The following TAF1 variants were observed in gnomAD, a reference collection of about 807,000 sequenced individuals.
TAF1 encodes TATA-box binding protein associated factor 1, also known as transcription initiation factor TFIID subunit 1.
Under a neutral mutation model 138.5 loss-of-function variants are expected in TAF1, and 2 were observed. The ratio of observed to expected loss-of-function variants is 0.01; its 90% CI spans 0.01 to 0.05. The LOEUF (loss-of-function observed/expected upper bound fraction) is 0.05. Ranked by LOEUF, TAF1 falls within the 10% of genes least tolerant of loss-of-function variation. The pLI is 1.00. For missense variants in TAF1, 709 were observed against 1,478.0 expected, an observed-to-expected ratio of 0.48 and a Z score of 8.53; for synonymous variants, 437 against 503.2, an observed-to-expected ratio of 0.87 and a Z score of 1.76.
Position 71,454,245 on chromosome X carries a change from G to T in TAF1, c.4821+8G>T. 8.3e-7 allele frequency: 1 copy of T among 1,206,806 alleles called. No homozygotes were observed. Among genetic ancestry groups the T allele is most frequent in the Non-Finnish European group, 1.1e-6 (1 of 891,667 alleles). Reference sequence around the variant, plus strand: ...TACCAGACATTGACTGAGGTAGGTGGTAAAGATGGAGGTCCTAAGCCTGGG... The same window carrying T: ...TACCAGACATTGACTGAGGTAGGTGTTAAAGATGGAGGTCCTAAGCCTGGG... On this transcript the variant is annotated splice_region_variant and intron_variant, in intron 33 of 37. Coordinates refer to ENST00000423759, the MANE Select transcript of TAF1 (RefSeq NM_004606.5).
intron 3 of TAF1, among the ~76,000 whole-genome samples, chrX:71,374,471 A>G (rs2033325945): frequency 1.8e-5 from 2 of 111,849 alleles, no homozygotes; most frequent in Admixed American, 1.9e-4. Context: ...TCAGATAGAT[A>G]TGTAAAATAT....
chrX:71,416,034 T>A, intron 28 of TAF1, among the ~76,000 whole-genome samples: 1 of 5,654 alleles, frequency 1.8e-4, no homozygotes, highest in Admixed American at 9.5e-4. Context: ...TTAGCTAAGG[T>A]CTACATTAGG....
Position 71,464,195 on chromosome X carries a change from T to C in TAF1, c.*149T>C. Reference sequence around the variant, plus strand: ...AGCCTTTTTAAAAGTAGTAAGTAAATGATAATAAATCACCTCTCCTAATCT... The same window carrying C: ...AGCCTTTTTAAAAGTAGTAAGTAAACGATAATAAATCACCTCTCCTAATCT... On this transcript the variant is annotated 3_prime_UTR_variant, in exon 38 of 38. Transcript: ENST00000423759. 1 of 517,099 alleles carries C rather than the reference T, an allele frequency of 1.9e-6. No homozygotes were observed. The highest frequency in any genetic ancestry group is 3.2e-5 in the South Asian group (1 of 30,907). The allele number at this position is 517,099 out of a possible 1,213,427, so 42.6% of individuals were successfully genotyped here. A position where few individuals can be genotyped will look rare whatever the true frequency, so the allele number is the denominator to read the frequency against.
At chrX:71,446,303 A>G (rs969493318) in intron 32 of TAF1, among the ~76,000 whole-genome samples, 5 of 112,283 alleles carry the variant, frequency 4.5e-5, no homozygotes, top group Non-Finnish European at 9.4e-5. Context: ...CCAAAAGGCT[A>G]TACCTGTTTG....
rs757934992 is a variant in TAF1 at position 71,512,305 on chromosome X, ACT to A, written c.1367-16234_1367-16233del. On this transcript the variant is annotated intron_variant and NMD_transcript_variant, in intron 13 of 14. Coordinates refer to the TAF1 transcript ENST00000373775. ...ACTCCAGCCTGAGCGACAGTGCGAG[ACT>A]CTGTCTCAAAAACAAAAAACAAAAC... 1.5e-4 allele frequency among the ~76,000 whole-genome samples: 17 copies of A among 111,287 alleles called. No individual in the cohort carries two copies. The East Asian group carries it at 4.8e-3, about 31-fold the overall frequency.
chrX:71,423,783 T>C (rs2036469197), intron 30 of TAF1, among the ~76,000 whole-genome samples, 191 bp from the exon 31 acceptor site: 1 of 111,983 alleles, frequency 8.9e-6, no homozygotes, highest in South Asian at 3.7e-4. Flanking sequence ...TTTTATCCTA[T>C]CATGGCATAG....
In TAF1 at chrX:71,483,349, A is replaced by G. The variant is rs142303600; in HGVS notation, c.1366+22546A>G. Among the ~76,000 whole-genome samples, 598 of 107,852 alleles carry G rather than the reference A, an allele frequency of 5.5e-3. 4 individuals are homozygous for G. Among genetic ancestry groups the G allele is most frequent in the African/African-American group, 0.019 (576 of 29,577 alleles). 93.7% of individuals were successfully genotyped at this position (107,852 alleles called of 115,157 possible). A position where few individuals can be genotyped will look rare whatever the true frequency, so the allele number is the denominator to read the frequency against. On this transcript the variant is annotated intron_variant and NMD_transcript_variant, in intron 13 of 14. Coordinates refer to the TAF1 transcript ENST00000373775. ...ACTACTCATCCATTCAAATTTTACT[A>G]TGAGATTATAGCAATTCAGCCACAT...
intron 13 of TAF1, among the ~76,000 whole-genome samples, chrX:71,503,298 GTA>G (rs1161129315): frequency 0.048 from 3,836 of 80,101 alleles, 81 homozygotes; most frequent in East Asian, 0.057. Flanking sequence ...ATATATATGT[GTA>G]TATATATATA....
At chrX:71,454,626 G>A in intron 33 of TAF1, 115 bp from the exon 34 acceptor site, 1 of 602,853 alleles carries the variant, frequency 1.7e-6, no homozygotes, top group Non-Finnish European at 2.6e-6. Context: ...TATTATCTGT[G>A]TCCTGCCACT....
intron 25 of TAF1, among the ~76,000 whole-genome samples, chrX:71,406,311 G>A (rs760475263): frequency 3.2e-5 from 3 of 93,859 alleles, no homozygotes; most frequent in South Asian, 5.3e-4. Flanking sequence ...CCTGGGTAAC[G>A]AGCGAACTAC....
At chrX:71,513,979 C>A (rs938857990) in intron 13 of TAF1, among the ~76,000 whole-genome samples, 2 of 111,672 alleles carry the variant, frequency 1.8e-5, no homozygotes, top group Non-Finnish European at 3.8e-5. Context: ...GGAATAAAAG[C>A]TGGCCACACC....
At chrX:71,484,980 C>T (rs2039145339) in intron 13 of TAF1, 1 of 111,840 alleles carries the variant, frequency 8.9e-6, no homozygotes, top group South Asian at 3.7e-4. Flanking sequence ...ACCCTCAGTC[C>T]AACAGTCCAC....
rs764356352 is a variant in TAF1 at position 71,460,612 on chromosome X, G to A, written c.5222-14G>A. The A allele has an allele frequency of 1.7e-6, 2 of 1,209,660 alleles. No homozygotes were observed. Among genetic ancestry groups the A allele is most frequent in the Non-Finnish European group, 2.2e-6 (2 of 894,531 alleles). ...CTTAACTCTTGATGACCCAGAATCT[G>A]TCTCTTTTTACAGCTATCCAGCTGA... On this transcript the variant is annotated splice_polypyrimidine_tract_variant and intron_variant, in intron 36 of 37. Coordinates refer to ENST00000423759, the MANE Select transcript of TAF1 (RefSeq NM_004606.5).
chrX:71,368,335 A>G (rs745836225), intron 3 of TAF1, among the ~76,000 whole-genome samples, 165 bp downstream of exon 3: 102 of 111,715 alleles, frequency 9.1e-4, no homozygotes, highest in African/African-American at 3.1e-3. Context: ...AGTAGCTGCT[A>G]TCTTTTTTTG....
chrX:71,390,345 T>G (rs1333201990), intron 18 of TAF1, among the ~76,000 whole-genome samples: 2 of 111,583 alleles, frequency 1.8e-5, no homozygotes, highest in Non-Finnish European at 3.8e-5. Flanking sequence ...TCTCTTCCCT[T>G]TCAGAATTTT....
At chrX:71,366,717 C>T (rs2032528287) in intron 1 of TAF1, among the ~76,000 whole-genome samples, 1 of 111,081 alleles carries the variant, frequency 9.0e-6, no homozygotes. Flanking sequence ...GGGCCAGGGG[C>T]GCAGGGAATA....
intron 30 of TAF1, 160 bp downstream of exon 30, chrX:71,423,399 C>G: frequency 2.2e-6 from 1 of 461,744 alleles, no homozygotes; most frequent in Non-Finnish European, 2.7e-6. Flanking sequence ...TATATGGGTA[C>G]ATTATCTTTT....
intron 28 of TAF1, among the ~76,000 whole-genome samples, chrX:71,419,807 G>A (rs1385558804): frequency 1.8e-5 from 2 of 111,514 alleles, no homozygotes; most frequent in African/African-American, 6.5e-5. Flanking sequence ...AACATGGGGA[G>A]CAGCTTGCTA....
intron 4 of TAF1, among the ~76,000 whole-genome samples, chrX:71,375,802 G>T (rs1431480032): frequency 8.9e-6 from 1 of 112,177 alleles, no homozygotes; most frequent in Non-Finnish European, 1.9e-5. Context: ...CGCTCGCCTT[G>T]GTCTTCCAAA....
Sources: gnomAD v4.1 joint callset for allele counts (sites outside exome capture counted in the v4.1 genomes callset) on GRCh38, gnomAD v4.1.1 for gene constraint, MANE v1.5 for transcripts, NCBI Gene and HGNC (gene_info 2026-07-23, HGNC 2026-07-21) for gene names.